SGCD: variants seen among roughly 807,000 people sequenced by gnomAD.
The protein encoded by SGCD is sarcoglycan delta.
A neutral mutation model predicts 36.6 loss-of-function variants in SGCD; 18 were observed. The observed-to-expected ratio is 0.49, with a 90% CI of 0.34 to 0.73. The LOEUF (loss-of-function observed/expected upper bound fraction) is 0.73. Among genes scored for constraint, SGCD ranks in the 30% least tolerant of loss-of-function variants. SGCD has a pLI of 0.01. For synonymous variants in SGCD, 133 were observed against 130.6 expected (o/e 1.02, Z -0.12); for missense variants, 387 against 346.7 (o/e 1.12, Z -0.92).
chr5:155,922,606 T>G (rs1427019282), intron 1 of SGCD, among the ~76,000 whole-genome samples: 1 of 152,216 alleles, frequency 6.6e-6, no homozygotes, highest in African/African-American at 2.4e-5. Context: ...TTGCAGTTTA[T>G]GAAGTTATAT....
chr5:155,866,482 G>T (rs1755527045), upstream of SGCD, among the ~76,000 whole-genome samples: 1 of 152,170 alleles, frequency 6.6e-6, no homozygotes, highest in East Asian at 1.9e-4. Context: ...CCCCATTCCT[G>T]CTCCATAGAC....
rs1036873528 is a variant in SGCD at position 156,175,340 on chromosome 5, T to C, written c.-44+51321T>C. On this transcript the variant is annotated intron_variant, in intron 3 of 9. Transcript: ENST00000517913. ...AAGTAGTAAAATAAATAGTAAAATA[T>C]GAATTGATGAAATAGTGGAAAAAAT... Among the ~76,000 whole-genome samples, 6 of 152,256 alleles carry C rather than the reference T, an allele frequency of 3.9e-5. No homozygotes were observed. In the East Asian group the frequency reaches 1.2e-3, roughly 29 times the overall value.
At chr5:155,730,769 T>G in the SGCD span, among the ~76,000 whole-genome samples, 1 of 152,204 alleles carries the variant, frequency 6.6e-6, no homozygotes, top group Non-Finnish European at 1.5e-5. Context: ...GAGGAAGTTC[T>G]GGAGACCACA....
the SGCD span, among the ~76,000 whole-genome samples, chr5:155,755,548 C>A: frequency 5.3e-5 from 8 of 152,252 alleles, no homozygotes; most frequent in East Asian, 1.5e-3. Flanking sequence ...CTCTCTAGTG[C>A]ATAGTGATGG....
chr5:156,033,881 T>C (rs1389299391), intron 1 of SGCD, among the ~76,000 whole-genome samples: 1 of 152,108 alleles, frequency 6.6e-6, no homozygotes, highest in Non-Finnish European at 1.5e-5. Flanking sequence ...ACATTGCCCA[T>C]TTTTGCACTT....
chr5:156,654,901 T>C (rs1247847174), intron 7 of SGCD, among the ~76,000 whole-genome samples: 2 of 152,158 alleles, frequency 1.3e-5, no homozygotes, highest in African/African-American at 4.8e-5. Flanking sequence ...TCCTGTAATA[T>C]CATGCTTTAC....
rs978723412 is a variant in SGCD, at chr5:156,762,456, CAT to C, written c.*3067_*3068del. On this transcript the variant is annotated 3_prime_UTR_variant, in exon 9 of 9. Coordinates refer to ENST00000337851, the MANE Select transcript of SGCD (RefSeq NM_000337.6). ...GACATCTACCTAGGTAAAAGCCTGA[CAT>C]GTGGCTTTATAATTGTTATGTTACC... The C allele has an allele frequency of 1.3e-5, 2 of 152,622 alleles. No individual in the cohort carries two copies. Among genetic ancestry groups the C allele is most frequent in the African/African-American group, 2.4e-5 (1 of 41,432 alleles). 9.5% of individuals were successfully genotyped at this position (152,622 alleles called of 1,614,324 possible).
At chr5:156,046,438 G>C (rs945404988) in intron 1 of SGCD, among the ~76,000 whole-genome samples, 2 of 152,026 alleles carry the variant, frequency 1.3e-5, no homozygotes, top group East Asian at 3.9e-4. Context: ...AAGGTTTGTA[G>C]CAATTCTGTG....
At chr5:155,746,576 C>A in the SGCD span, among the ~76,000 whole-genome samples, 1 of 152,114 alleles carries the variant, frequency 6.6e-6, no homozygotes, top group Non-Finnish European at 1.5e-5. Flanking sequence ...CAGACTCTTT[C>A]TTCAAGTTCC....
intron 3 of SGCD, among the ~76,000 whole-genome samples, chr5:156,226,265 T>C (rs1260957406): frequency 6.6e-6 from 1 of 152,166 alleles, no homozygotes; most frequent in Non-Finnish European, 1.5e-5. Flanking sequence ...GTGTCATTCT[T>C]ATGCCTTTGC....
chr5:155,808,963 T>C, the SGCD span, among the ~76,000 whole-genome samples: 1 of 152,230 alleles, frequency 6.6e-6, no homozygotes, highest in Admixed American at 6.5e-5. Context: ...TAGTAGATTA[T>C]TACATGTTTT....
At chr5:156,268,883 T>A (rs950901055) in intron 3 of SGCD, among the ~76,000 whole-genome samples, 1 of 152,104 alleles carries the variant, frequency 6.6e-6, no homozygotes, top group African/African-American at 2.4e-5. Context: ...CATGAGCCAC[T>A]GTGCCCAGTC....
chr5:156,642,890 T>G (rs1763088239), intron 6 of SGCD, among the ~76,000 whole-genome samples: 1 of 152,170 alleles, frequency 6.6e-6, no homozygotes, highest in Non-Finnish European at 1.5e-5. Context: ...AAACTTCACT[T>G]CTTTAGGAAA....
intron 1 of SGCD, among the ~76,000 whole-genome samples, chr5:155,940,714 A>C (rs1291377661): frequency 6.6e-6 from 1 of 152,092 alleles, no homozygotes; most frequent in Non-Finnish European, 1.5e-5. Context: ...GTGTGGTGGC[A>C]CATGCCTGTA....
intron 7 of SGCD, among the ~76,000 whole-genome samples, chr5:156,676,087 T>A (rs1753495801): frequency 6.6e-6 from 1 of 152,252 alleles, no homozygotes; most frequent in Non-Finnish European, 1.5e-5. Context: ...ATTTTTCAAA[T>A]GGAATATTTT....
At chr5:155,964,219 CTT>C (rs1217140998) in intron 1 of SGCD, among the ~76,000 whole-genome samples, 1 of 152,042 alleles carries the variant, frequency 6.6e-6, no homozygotes, top group South Asian at 2.1e-4. Flanking sequence ...GAGAAAAACA[CTT>C]TTTTTAGATA....
chr5:156,340,708 C>G (rs552782465), intron 2 of SGCD, among the ~76,000 whole-genome samples: 1 of 152,110 alleles, frequency 6.6e-6, no homozygotes, highest in South Asian at 2.1e-4. Flanking sequence ...CTCCTGGGGT[C>G]TTCAAAGGCC....
chr5:155,786,064 T>C, the SGCD span, among the ~76,000 whole-genome samples: 3 of 152,190 alleles, frequency 2.0e-5, no homozygotes, highest in Non-Finnish European at 4.4e-5. Flanking sequence ...TCTCTCTAAC[T>C]GTGCTGCTTA....
chr5:155,991,751 G>A (rs1758435902), intron 1 of SGCD, among the ~76,000 whole-genome samples: 1 of 152,112 alleles, frequency 6.6e-6, no homozygotes, highest in African/African-American at 2.4e-5. Context: ...AATTGATGCA[G>A]ATTATGGTAT....
Sources: gnomAD v4.1 joint callset for allele counts (sites outside exome capture counted in the v4.1 genomes callset) on GRCh38, gnomAD v4.1.1 for gene constraint, MANE v1.5 for transcripts, NCBI Gene and HGNC (gene_info 2026-07-23, HGNC 2026-07-21) for gene names.